ASPH: variants seen among roughly 807,000 people sequenced by gnomAD.
The protein encoded by ASPH is aspartate beta-hydroxylase.
Under a neutral mutation model 118.4 loss-of-function variants are expected in ASPH, and 100 were observed. The ratio of observed to expected loss-of-function variants is 0.84; its 90% CI spans 0.72 to 1.00. The LOEUF is 1.00. Among genes scored for constraint, ASPH ranks in the 50% least tolerant of loss-of-function variants. ASPH has a pLI of 0.00. For missense variants in ASPH, 920 were observed against 919.5 expected, an observed-to-expected ratio of 1.00 and a Z score of -0.01; for synonymous variants, 315 against 325.6, an observed-to-expected ratio of 0.97 and a Z score of 0.35.
chr8:61,667,460 G>C (rs1030822526), intron 3 of ASPH, among the ~76,000 whole-genome samples: 6 of 152,010 alleles, frequency 3.9e-5, no homozygotes, highest in Non-Finnish European at 7.4e-5. Context: ...TCTGCCTCCC[G>C]GGTTCAAGCG....
chr8:61,674,861 A>G (rs1472334145), intron 3 of ASPH, among the ~76,000 whole-genome samples: 1 of 152,186 alleles, frequency 6.6e-6, no homozygotes. Context: ...AGCATTTTCA[A>G]ATTTTTAGCT....
chr8:61,676,446 T>G, intron 3 of ASPH: 1 of 865,906 alleles, frequency 1.2e-6, no homozygotes, highest in Non-Finnish European at 1.7e-6. Flanking sequence ...AAACGGTATT[T>G]GGAAAATAAA....
intron 19 of ASPH, among the ~76,000 whole-genome samples, chr8:61,554,931 C>T (rs1044935335): frequency 2.0e-5 from 3 of 152,034 alleles, no homozygotes; most frequent in Non-Finnish European, 4.4e-5. Context: ...CTAGGCTGGT[C>T]TCAAACTCTT....
chr8:61,653,759 G>T, intron 3 of ASPH, 99 bp from the exon 4 acceptor site: 1 of 1,182,430 alleles, frequency 8.5e-7, no homozygotes, highest in Non-Finnish European at 1.2e-6. Flanking sequence ...AATTAATAGT[G>T]CTGCTAATTA....
intron 14 of ASPH, among the ~76,000 whole-genome samples, chr8:61,600,122 A>G (rs1843549535): frequency 6.6e-6 from 1 of 152,222 alleles, no homozygotes; most frequent in South Asian, 2.1e-4. Context: ...ATAAAAAAAA[A>G]TACATCGATA....
intron 14 of ASPH, among the ~76,000 whole-genome samples, chr8:61,616,844 A>C (rs1480423251): frequency 6.6e-6 from 1 of 152,124 alleles, no homozygotes. Context: ...CTGTGTGTGT[A>C]CTGCTGGTCT....
At chr8:61,667,941 A>G (rs1482611646) in intron 3 of ASPH, among the ~76,000 whole-genome samples, 1 of 152,164 alleles carries the variant, frequency 6.6e-6, no homozygotes, top group Non-Finnish European at 1.5e-5. Flanking sequence ...TAAATTTAAT[A>G]TATACATCAT....
intron 3 of ASPH, among the ~76,000 whole-genome samples, chr8:61,666,513 TTAATA>T (rs1469529989): frequency 1.3e-5 from 2 of 152,188 alleles, no homozygotes; most frequent in African/African-American, 2.4e-5. Context: ...AAATATTTCT[TTAATA>T]TAATAAAATG....
intron 15 of ASPH, among the ~76,000 whole-genome samples, chr8:61,580,777 C>T (rs1337766082): frequency 6.6e-6 from 1 of 152,204 alleles, no homozygotes; most frequent in Non-Finnish European, 1.5e-5. Flanking sequence ...CCCTCTGTCC[C>T]TCTCTTATGA....
intron 3 of ASPH, chr8:61,656,033 C>T (rs2151185228): frequency 6.6e-6 from 1 of 152,248 alleles, no homozygotes; most frequent in African/African-American, 2.4e-5. Context: ...AACTTTTTGC[C>T]ACCCAAGCTC....
intron 21 of ASPH, among the ~76,000 whole-genome samples, chr8:61,545,494 T>C (rs566407417): frequency 6.6e-6 from 1 of 152,350 alleles, no homozygotes; most frequent in South Asian, 2.1e-4. Context: ...TGAGTTAATG[T>C]TCACACCGAA....
rs547868684 is a variant in ASPH at position 61,568,196 on chromosome 8, G to A, written c.1150-878C>T. Among the ~76,000 whole-genome samples, 10 of 152,300 alleles carry A rather than the reference G, an allele frequency of 6.6e-5. No individual in the cohort carries two copies. The East Asian group carries it at 9.6e-4, about 15-fold the overall frequency. ...TATTGAAGGGATCATGGTGGCAGCC[G>A]TATGGAGAACAGACTGAGAAGCTGG... is the stretch of plus-strand genomic sequence containing the variant. On this transcript the variant is annotated intron_variant, in intron 16 of 24. Coordinates refer to ENST00000379454, the MANE Select transcript of ASPH (RefSeq NM_004318.4).
At chr8:61,570,312 T>G (rs1423945655) in intron 16 of ASPH, among the ~76,000 whole-genome samples, 1 of 152,148 alleles carries the variant, frequency 6.6e-6, no homozygotes, top group Admixed American at 6.5e-5. Context: ...ATTATAAAGT[T>G]GAAAAATTGT....
intron 14 of ASPH, among the ~76,000 whole-genome samples, chr8:61,587,284 C>A (rs1304692588): frequency 6.6e-6 from 1 of 152,142 alleles, no homozygotes; most frequent in African/African-American, 2.4e-5. Context: ...ACCATATATG[C>A]TGATATGGAA....
At position 61,646,828 on chromosome 8, in the gene ASPH, G is replaced by T; in HGVS notation, c.541C>A (p.Gln181Lys). The T allele has an allele frequency of 1.2e-6, 2 of 1,613,872 alleles. No individual in the cohort carries two copies. Among genetic ancestry groups the T allele is most frequent in the Non-Finnish European group, 1.7e-6 (2 of 1,179,872 alleles). ...QEDGPTGEPQQEDDEFLMATD... is the reference protein window; with the variant it reads ...QEDGPTGEPQKEDDEFLMATD... ...GCCATAAGAAACTCATCATCCTCTT[G>T]TTGTGGTTCTCCTGTGGGTCCATCT... Residue 181 changes from glutamine (Q) to lysine (K), a missense_variant, in exon 6 of 25, where the codon CAA (glutamine) becomes AAA (lysine). Transcript: ENST00000379454.
At chr8:61,629,403 C>T (rs1315695730) in intron 13 of ASPH, among the ~76,000 whole-genome samples, 1 of 152,160 alleles carries the variant, frequency 6.6e-6, no homozygotes, top group Non-Finnish European at 1.5e-5. Flanking sequence ...TTTATGCTGT[C>T]AGATTGCTAC....
At position 61,576,977 on chromosome 8, in the gene ASPH, A is replaced by T; in HGVS notation, c.1063-119T>A. ...GTTTCCTAGATTCCATCCTGAGTGT[A>T]AAGATAGTTTTATCTAAGATTTTAA... On this transcript the variant is annotated intron_variant, in intron 15 of 24. Coordinates refer to ENST00000379454, the MANE Select transcript of ASPH (RefSeq NM_004318.4). 4.7e-6 allele frequency: 4 copies of T among 843,432 alleles called. No individual in the cohort carries two copies. The South Asian group carries it at 7.1e-5, about 15-fold the overall frequency. The allele number at this position is 843,432 out of a possible 1,614,324, so 52.2% of individuals were successfully genotyped here.
At chr8:61,518,608 G>T (rs1811766411) in intron 22 of ASPH, among the ~76,000 whole-genome samples, 2 of 151,874 alleles carry the variant, frequency 1.3e-5, no homozygotes, top group African/African-American at 4.8e-5. Flanking sequence ...AAAGTAAGCT[G>T]AAAAAAAGAA....
intron 22 of ASPH, among the ~76,000 whole-genome samples, chr8:61,523,316 CTTTCTTTTTT>C (rs1363145130): frequency 1.4e-5 from 2 of 144,242 alleles, no homozygotes; most frequent in African/African-American, 5.0e-5. Flanking sequence ...TTCTTTCTTT[CTTTCTTTTTT>C]TTTTTTTTTT....
Sources: gnomAD v4.1 joint callset for allele counts (sites outside exome capture counted in the v4.1 genomes callset) on GRCh38, gnomAD v4.1.1 for gene constraint, MANE v1.5 for transcripts, NCBI Gene and HGNC (gene_info 2026-07-23, HGNC 2026-07-21) for gene names.